Variants in HACE1 observed in about 807,000 individuals in gnomAD.
The protein encoded by HACE1 is E3 ubiquitin-protein ligase HACE1.
Under a neutral mutation model 118.4 loss-of-function variants are expected in HACE1, and 73 were observed. That is an observed-to-expected ratio of 0.62 (90% confidence interval 0.51 to 0.75). The LOEUF is 0.75. HACE1 is among the 30% of genes least tolerant of loss of function. HACE1 has a pLI of 0.00. For missense variants in HACE1, 749 were observed against 1,102.2 expected (o/e 0.68, Z 4.54); for synonymous variants, 368 against 374.8 (o/e 0.98, Z 0.21).
chr6:104,826,407 T>C (rs996906234), intron 6 of HACE1, among the ~76,000 whole-genome samples: 1 of 152,226 alleles, frequency 6.6e-6, no homozygotes, highest in Non-Finnish European at 1.5e-5. Flanking sequence ...ATCAGTGCTA[T>C]CCAGAAAAAT....
intron 7 of HACE1, among the ~76,000 whole-genome samples, chr6:104,810,065 A>T (rs1268176753): frequency 6.6e-6 from 1 of 152,064 alleles, no homozygotes; most frequent in Admixed American, 6.6e-5. Context: ...AGGCAGATGG[A>T]CATTCAAATC....
intron 18 of HACE1, among the ~76,000 whole-genome samples, 180 bp downstream of exon 18, chr6:104,771,745 G>GAA (rs1197055907): frequency 1.4e-5 from 2 of 138,954 alleles, no homozygotes; most frequent in Admixed American, 7.3e-5. Flanking sequence ...GAGGTGTTTG[G>GAA]AAAAAAAAAA....
At chr6:104,730,465 G>T in intron 22 of HACE1, 49 bp from the exon 23 acceptor site, 2 of 919,144 alleles carry the variant, frequency 2.2e-6, no homozygotes, top group Non-Finnish European at 1.8e-6. Flanking sequence ...AAAGATATTT[G>T]TGACAGATAA....
At chr6:104,853,675 C>A (rs1776454323) in intron 1 of HACE1, among the ~76,000 whole-genome samples, 1 of 152,062 alleles carries the variant, frequency 6.6e-6, no homozygotes, top group African/African-American at 2.4e-5. Context: ...TAGTGAAGAA[C>A]CCAGCAGACA....
intron 4 of HACE1, among the ~76,000 whole-genome samples, chr6:104,844,247 G>C (rs1775406262): frequency 6.6e-6 from 1 of 151,968 alleles, no homozygotes; most frequent in Non-Finnish European, 1.5e-5. Context: ...ATGTTGGCCA[G>C]GATGGTCTTG....
intron 11 of HACE1, among the ~76,000 whole-genome samples, chr6:104,789,033 G>A (rs1186896716): frequency 6.6e-6 from 1 of 152,032 alleles, no homozygotes; most frequent in Non-Finnish European, 1.5e-5. Flanking sequence ...ACAAAATGTG[G>A]TAAGAATTAA....
intron 5 of HACE1, among the ~76,000 whole-genome samples, chr6:104,839,361 T>C (rs1443591755): frequency 6.6e-6 from 1 of 152,182 alleles, no homozygotes; most frequent in African/African-American, 2.4e-5. Flanking sequence ...GAACAAACTA[T>C]TGATAAGTAT....
chr6:104,745,510 G>A (rs376027771), intron 20 of HACE1, among the ~76,000 whole-genome samples: 3 of 146,552 alleles, frequency 2.0e-5, no homozygotes, highest in Admixed American at 6.9e-5. Context: ...GCAGTGGCGC[G>A]GCTCACTGCA....
intron 10 of HACE1, among the ~76,000 whole-genome samples, chr6:104,794,898 T>C (rs902037609): frequency 1.0e-4 from 15 of 149,502 alleles, no homozygotes; most frequent in African/African-American, 3.7e-4. Flanking sequence ...AGACTCTGTC[T>C]CAAAAAAAAA....
In HACE1 at chr6:104,849,135, T is replaced by C. The variant is rs1348556685; in HGVS notation, c.326+7A>G. ...ACTTAAGCCACTTAAGAAAACTAAA[T>C]AGTTACCCATTTCTTGCTGCCAAAT... On this transcript the variant is annotated splice_region_variant and intron_variant, in intron 4 of 23. Transcript: ENST00000262903. 4 of 1,482,014 alleles carry C rather than the reference T, an allele frequency of 2.7e-6. No individual in the cohort carries two copies. The highest frequency in any genetic ancestry group is 1.4e-5 in the African/African-American group (1 of 72,492). The allele number at this position is 1,482,014 out of a possible 1,614,324, so 91.8% of individuals were successfully genotyped here. A position where few individuals can be genotyped will look rare whatever the true frequency, so the allele number is the denominator to read the frequency against.
intron 2 of HACE1, among the ~76,000 whole-genome samples, chr6:104,851,341 C>T (rs539831140): frequency 3.9e-5 from 6 of 152,324 alleles, no homozygotes; most frequent in African/African-American, 7.2e-5. Flanking sequence ...CTCGGCCTCC[C>T]GAAGTGCTGG....
At chr6:104,802,493 A>G (rs1264514819) in intron 7 of HACE1, among the ~76,000 whole-genome samples, 1 of 152,236 alleles carries the variant, frequency 6.6e-6, no homozygotes, top group Non-Finnish European at 1.5e-5. Context: ...CAAATGTAAA[A>G]GAACAGAAAT....
intron 1 of HACE1, among the ~76,000 whole-genome samples, chr6:104,856,978 TA>T (rs1303322166): frequency 6.6e-6 from 1 of 151,998 alleles, no homozygotes. Context: ...ACAAGCTGAC[TA>T]AAAAGTTTAC....
At chr6:104,830,732 T>C (rs984977946) in intron 6 of HACE1, among the ~76,000 whole-genome samples, 2 of 151,310 alleles carry the variant, frequency 1.3e-5, no homozygotes, top group South Asian at 2.1e-4. Flanking sequence ...GTTGTTATTA[T>C]GGTCAGCAAG....
chr6:104,794,956 T>C (rs1783457373), intron 10 of HACE1, among the ~76,000 whole-genome samples: 1 of 152,038 alleles, frequency 6.6e-6, no homozygotes, highest in African/African-American at 2.4e-5. Flanking sequence ...ATATATACAA[T>C]TTCTTGCAGG....
chr6:104,730,742 G>C, intron 22 of HACE1: 1 of 309,222 alleles, frequency 3.2e-6, no homozygotes, highest in Non-Finnish European at 6.3e-6. Context: ...GCTGATTTGA[G>C]GGCCCAAACA....
chr6:104,810,474 C>T (rs1021175079), intron 7 of HACE1, among the ~76,000 whole-genome samples: 2 of 151,814 alleles, frequency 1.3e-5, no homozygotes, highest in Non-Finnish European at 2.9e-5. Flanking sequence ...AATATGAAGG[C>T]CTAAATAAAT....
In HACE1 at chr6:104,771,922, T is replaced by C. The variant is rs369793779; in HGVS notation, c.2014+3A>G. ...GTCTGCAGAAATAATAATAGAGCCA[T>C]ACCAAGAATGTGCTTGTAGAAGGAT... is the stretch of plus-strand genomic sequence containing the variant. On this transcript the variant is annotated splice_donor_region_variant and intron_variant, in intron 18 of 23. Coordinates refer to ENST00000262903, the MANE Select transcript of HACE1 (RefSeq NM_020771.4). 4 of 1,578,870 alleles carry C rather than the reference T, an allele frequency of 2.5e-6. No homozygotes were observed. Among genetic ancestry groups the C allele is most frequent in the Non-Finnish European group, 3.5e-6 (4 of 1,148,498 alleles).
chr6:104,740,525 C>T (rs1426933314), intron 22 of HACE1, among the ~76,000 whole-genome samples: 4 of 152,058 alleles, frequency 2.6e-5, no homozygotes, highest in Admixed American at 6.6e-5. Context: ...GAGAATACTA[C>T]AAACACCTCT....
Sources: allele counts gnomAD v4.1 joint callset (sites outside exome capture counted in the v4.1 genomes callset), GRCh38; gene constraint gnomAD v4.1.1; transcripts MANE v1.5; gene names NCBI Gene and HGNC (gene_info 2026-07-23, HGNC 2026-07-21).